Variants in PFKFB4 observed in about 807,000 individuals in gnomAD.
PFKFB4 encodes 6-phosphofructo-2-kinase/fructose-2,6-biphosphatase 4.
A neutral mutation model predicts 62.8 loss-of-function variants in PFKFB4; 42 were observed. That is an observed-to-expected ratio of 0.67 (90% CI 0.52 to 0.86). The LOEUF is 0.86. Ranked by LOEUF, PFKFB4 falls within the 40% of genes least tolerant of loss-of-function variation. PFKFB4 has a pLI of 0.00. For synonymous variants in PFKFB4, 204 were observed against 240.7 expected (o/e 0.85, Z 1.41); for missense variants, 475 against 627.2 (o/e 0.76, Z 2.59).
intron 1 of PFKFB4, among the ~76,000 whole-genome samples, chr3:48,554,747 A>G (rs547731827): frequency 1.3e-5 from 2 of 151,890 alleles, no homozygotes; most frequent in Non-Finnish European, 2.9e-5. Flanking sequence ...TTGAGGACCT[A>G]CTCCTTAAAG....
intron 4 of PFKFB4, 49 bp from the exon 5 acceptor site, chr3:48,539,820 G>T (rs760537770): frequency 2.8e-6 from 4 of 1,450,340 alleles, no homozygotes; most frequent in Non-Finnish European, 3.9e-6. Context: ...GGGAAGGAAG[G>T]GGCCAGAGTG....
chr3:48,531,996 C>A (rs1465497332), intron 9 of PFKFB4, among the ~76,000 whole-genome samples: 3 of 152,110 alleles, frequency 2.0e-5, no homozygotes, highest in Admixed American at 6.6e-5. Context: ...GGAAACAGTA[C>A]AGCAGTTCCT....
chr3:48,538,987 GCCCCTCACCCAC>G (rs1242801413), intron 6 of PFKFB4, among the ~76,000 whole-genome samples: 5 of 152,064 alleles, frequency 3.3e-5, no homozygotes, highest in Admixed American at 6.6e-5. Context: ...TATAAAACAT[GCCCCTCACCCAC>G]CCTTCCACCC....
At chr3:48,544,886 G>A (rs1267571993) in intron 3 of PFKFB4, among the ~76,000 whole-genome samples, 1 of 151,982 alleles carries the variant, frequency 6.6e-6, no homozygotes, top group Non-Finnish European at 1.5e-5. Context: ...ACCACATCTG[G>A]CTAATTTTTG....
intron 9 of PFKFB4, 121 bp downstream of exon 9, chr3:48,535,390 TC>T: frequency 1.2e-6 from 1 of 865,552 alleles, no homozygotes. Context: ...GCCCCTAGGT[TC>T]CTGTATCCTT....
In PFKFB4 at chr3:48,556,109, C is replaced by A. The variant is rs764141500; in HGVS notation, c.97+572G>T. 5 of 456,820 alleles carry A rather than the reference C, an allele frequency of 1.1e-5. No homozygotes were observed. The highest frequency in any genetic ancestry group is 7.7e-5 in the South Asian group (5 of 64,568). 28.3% of individuals were successfully genotyped at this position (456,820 alleles called of 1,614,324 possible). A position where few individuals can be genotyped will look rare whatever the true frequency, so the allele number is the denominator to read the frequency against. On this transcript the variant is annotated intron_variant, in intron 1 of 13. Coordinates refer to ENST00000232375, the MANE Select transcript of PFKFB4 (RefSeq NM_004567.4). This position sits in a 1 kb window ranked among gnomAD's most constrained non-coding sequence, Gnocchi z 5.7. ...ACATGTCCCGGGACACAGACACAGG[C>A]CCACACGGCATACTTTTCTGTCTCT...
At chr3:48,555,115 C>T (rs1286204824) in intron 1 of PFKFB4, among the ~76,000 whole-genome samples, 1 of 151,800 alleles carries the variant, frequency 6.6e-6, no homozygotes, top group Middle Eastern at 3.2e-3. Flanking sequence ...ATAGCAGCCA[C>T]CCCCCTAAGT....
At chr3:48,524,627 G>T (rs1022068020) in intron 10 of PFKFB4, among the ~76,000 whole-genome samples, 1 of 152,152 alleles carries the variant, frequency 6.6e-6, no homozygotes, top group Admixed American at 6.5e-5. Context: ...ATCTGGGTTG[G>T]TTCTAAATCT....
intron 3 of PFKFB4, among the ~76,000 whole-genome samples, chr3:48,549,478 C>T (rs538701307): frequency 6.6e-6 from 1 of 152,216 alleles, no homozygotes; most frequent in African/African-American, 2.4e-5. Flanking sequence ...GGTGAGCGAG[C>T]GTGACCTCCA....
upstream of PFKFB4, chr3:48,562,516 G>T: frequency 1.9e-6 from 1 of 519,970 alleles, no homozygotes; most frequent in Non-Finnish European, 3.4e-6. The surrounding 1 kb of genome is among the most constrained non-coding windows in gnomAD (Gnocchi z 4.3). Context: ...GGGCACACAG[G>T]CATGGCAAGA....
At chr3:48,526,654 A>G (rs2042270582) in intron 9 of PFKFB4, among the ~76,000 whole-genome samples, 1 of 149,452 alleles carries the variant, frequency 6.7e-6, no homozygotes, top group African/African-American at 2.5e-5. Context: ...TAAGAACGCC[A>G]TGTAGGCCGG....
upstream of PFKFB4, chr3:48,562,861 C>T (rs764548408): frequency 1.9e-6 from 3 of 1,593,940 alleles, no homozygotes; most frequent in African/African-American, 2.7e-5. This position sits in a 1 kb window ranked among gnomAD's most constrained non-coding sequence, Gnocchi z 4.3. Flanking sequence ...CCCGGGCTTG[C>T]TCCAGTAAGA....
chr3:48,527,925 G>A lies in PFKFB4; in HGVS notation c.988-2256C>T, dbSNP rs141754509. ...GCTGGTCTCGAACTCCTGGCCTCAT[G>A]TGATCTGCCCATCTCGGCCTCCCAA... On this transcript the variant is annotated intron_variant, in intron 9 of 13. Transcript: ENST00000232375. 2.8e-3 allele frequency among the ~76,000 whole-genome samples: 424 copies of A among 152,138 alleles called. 1 individual carries two copies. The highest frequency in any genetic ancestry group is 3.9e-3 in the Non-Finnish European group (266 of 67,998).
At chr3:48,522,667 A>G (rs1438769771) in intron 12 of PFKFB4, among the ~76,000 whole-genome samples, 1 of 152,230 alleles carries the variant, frequency 6.6e-6, no homozygotes, top group Non-Finnish European at 1.5e-5. Context: ...GGGGGTTCAG[A>G]AAAATCAGTA....
In PFKFB4 at chr3:48,523,684, C is replaced by T. The variant is rs914442710; in HGVS notation, c.1222+17G>A. 9 of 1,613,960 alleles carry T rather than the reference C, an allele frequency of 5.6e-6. No individual in the cohort carries two copies. The highest frequency in any genetic ancestry group is 2.7e-5 in the African/African-American group (2 of 74,930). ...TCTCACACAACCTTCCCACCTCCCC[C>T]GGGGCACAGCCCACACCTGCTGCCT... On this transcript the variant is annotated intron_variant, in intron 11 of 13. Coordinates refer to ENST00000232375, the MANE Select transcript of PFKFB4 (RefSeq NM_004567.4).
chr3:48,544,987 G>A (rs1575390363), intron 3 of PFKFB4, among the ~76,000 whole-genome samples: 1 of 152,138 alleles, frequency 6.6e-6, no homozygotes, highest in Non-Finnish European at 1.5e-5. Flanking sequence ...GCCTCCCAAA[G>A]TGCTGGGATT....
rs920785245 is a variant in PFKFB4 at position 48,519,502 on chromosome 3, G to A, written c.*245C>T. On this transcript the variant is annotated 3_prime_UTR_variant, in exon 14 of 14. Transcript: ENST00000232375. ...ACTGGGGCTGGGCAACCTCCGCGCA[G>A]CCCATGCAGATGCAGTCTGGTCAAG... 1 of 520,160 alleles carries A rather than the reference G, an allele frequency of 1.9e-6. No individual in the cohort carries two copies. Among genetic ancestry groups the A allele is most frequent in the Non-Finnish European group, 3.5e-6 (1 of 289,258 alleles). 32.2% of individuals were successfully genotyped at this position (520,160 alleles called of 1,614,324 possible).
rs1037544455 is a variant in PFKFB4 at position 48,556,362 on chromosome 3, T to G, written c.97+319A>C. ...GGTGCCCACAGGGTCCTCCCCAGAC[T>G]GGGGGCGATGGGGATTGGAGAGGGA... On this transcript the variant is annotated intron_variant, in intron 1 of 13. Transcript: ENST00000232375. This position sits in a 1 kb window ranked among gnomAD's most constrained non-coding sequence, Gnocchi z 5.7. 9.0e-5 allele frequency: 48 copies of G among 535,156 alleles called. No individual in the cohort carries two copies. The highest frequency in any genetic ancestry group is 1.6e-4 in the Admixed American group (6 of 37,042). The allele number at this position is 535,156 out of a possible 1,614,324, so 33.2% of individuals were successfully genotyped here.
chr3:48,543,519 G>T (rs2042860175), intron 4 of PFKFB4, 61 bp downstream of exon 4: 1 of 1,452,098 alleles, frequency 6.9e-7, no homozygotes, highest in East Asian at 2.4e-5. Flanking sequence ...ACGAGCAAAG[G>T]CACAGATGTG....
Sources: allele counts gnomAD v4.1 joint callset (sites outside exome capture counted in the v4.1 genomes callset), GRCh38; gene constraint gnomAD v4.1.1; non-coding constraint Gnocchi (gnomAD v3.1); transcripts MANE v1.5; gene names NCBI Gene and HGNC (gene_info 2026-07-23, HGNC 2026-07-21).